Variants in NPHP4 observed in about 807,000 individuals in gnomAD.
NPHP4 encodes nephrocystin 4.
A neutral mutation model predicts 155.8 loss-of-function variants in NPHP4; 151 were observed. The ratio of observed to expected loss-of-function variants is 0.97; its 90% CI spans 0.85 to 1.11. The LOEUF is 1.11. Ranked by LOEUF, NPHP4 falls within the 50% of genes least tolerant of loss-of-function variation. The pLI is 0.00. For synonymous variants in NPHP4, 845 were observed against 816.8 expected, an observed-to-expected ratio of 1.03 and a Z score of -0.59; for missense variants, 1,956 against 1,925.7, an observed-to-expected ratio of 1.02 and a Z score of -0.29.
chr1:5,989,662 A>G (rs1655954956), intron 1 of NPHP4, among the ~76,000 whole-genome samples: 1 of 152,224 alleles, frequency 6.6e-6, no homozygotes, highest in Non-Finnish European at 1.5e-5. Flanking sequence ...ATTCACACAC[A>G]ATGCAGGCCG....
intron 11 of NPHP4, among the ~76,000 whole-genome samples, chr1:5,925,720 G>A (rs532444999): frequency 1.6e-4 from 25 of 152,038 alleles, no homozygotes; most frequent in Admixed American, 1.3e-3. Context: ...GGTTCACGCC[G>A]TTCTCCTGCC....
chr1:5,946,956 C>G (rs1264699206), intron 9 of NPHP4, 148 bp downstream of exon 9: 1 of 865,600 alleles, frequency 1.2e-6, no homozygotes, highest in Non-Finnish European at 1.8e-6. Flanking sequence ...TTACAATCAG[C>G]TGATAAATGT....
At chr1:5,968,851 T>G (rs1652012305) in intron 4 of NPHP4, among the ~76,000 whole-genome samples, 1 of 151,950 alleles carries the variant, frequency 6.6e-6, no homozygotes, top group Non-Finnish European at 1.5e-5. Flanking sequence ...CTGGCCAACA[T>G]GGCAAAACCC....
chr1:5,873,078 C>T (rs537628278), intron 23 of NPHP4, among the ~76,000 whole-genome samples, 174 bp downstream of exon 23: 1 of 152,170 alleles, frequency 6.6e-6, no homozygotes, highest in South Asian at 2.1e-4. Context: ...AGCGCCCAGA[C>T]GGAGCTGCCC....
intron 1 of NPHP4, among the ~76,000 whole-genome samples, chr1:5,992,030 A>AG (rs1280307161): frequency 6.6e-6 from 1 of 151,912 alleles, no homozygotes; most frequent in African/African-American, 2.4e-5. Context: ...TGTCCCGACG[A>AG]GGGGGGACGC....
chr1:5,952,669 C>T lies in NPHP4; in HGVS notation c.810+31G>A, dbSNP rs749675167. Reference sequence around the variant, plus strand: ...GGGTCCCACCCCTGCCTGGCCCCACCCTGCCCCCCATCACGCTTCTGACTC... The same window carrying T: ...GGGTCCCACCCCTGCCTGGCCCCACTCTGCCCCCCATCACGCTTCTGACTC... On this transcript the variant is annotated intron_variant, in intron 7 of 29. Transcript: ENST00000378156. 1.2e-5 allele frequency: 19 copies of T among 1,524,080 alleles called. 1 individual carries two copies. The South Asian group carries it at 2.3e-4, about 18-fold the overall frequency. 94.4% of individuals were successfully genotyped at this position (1,524,080 alleles called of 1,614,324 possible). A position where few individuals can be genotyped will look rare whatever the true frequency, so the allele number is the denominator to read the frequency against.
chr1:5,926,589 C>A (rs905668686), intron 11 of NPHP4, among the ~76,000 whole-genome samples: 4 of 152,152 alleles, frequency 2.6e-5, no homozygotes, highest in Non-Finnish European at 5.9e-5. Flanking sequence ...TCATCAACTT[C>A]ATCAAATTCA....
At chr1:5,961,717 C>A (rs557252879) in intron 6 of NPHP4, 77 bp downstream of exon 6, 924 of 1,431,462 alleles carry the variant, frequency 6.5e-4, no homozygotes, top group Non-Finnish European at 8.5e-4. Flanking sequence ...CCCAGAAGAG[C>A]CCAGTGCCTT....
In NPHP4 at chr1:5,864,334, A is replaced by G; in HGVS notation, c.3996+4T>C. On this transcript the variant is annotated splice_donor_region_variant and intron_variant, in intron 28 of 29. Transcript: ENST00000378156. ...CTCAGCCTGTGCCTGCCACACATAC[A>G]GACCTTGGAGATGAGCGGCTGGCGG... The G allele has an allele frequency of 6.9e-6, 11 of 1,601,630 alleles. No homozygotes were observed. The highest frequency in any genetic ancestry group is 9.4e-6 in the Non-Finnish European group (11 of 1,172,588).
intron 20 of NPHP4, among the ~76,000 whole-genome samples, chr1:5,875,549 C>T (rs1401089969): frequency 6.6e-6 from 1 of 152,228 alleles, no homozygotes; most frequent in East Asian, 1.9e-4. Context: ...TGCTGAGTCT[C>T]GGTCACACCG....
chr1:5,873,059 G>T (rs567419925), intron 23 of NPHP4, among the ~76,000 whole-genome samples, 193 bp downstream of exon 23: 58 of 152,282 alleles, frequency 3.8e-4, no homozygotes, highest in African/African-American at 1.3e-3. Flanking sequence ...ATACCATGCA[G>T]GCTGTGCCAG....
chr1:5,905,796 A>G lies in NPHP4; in HGVS notation c.1612-13T>C. 2 of 1,593,696 alleles carry G rather than the reference A, an allele frequency of 1.3e-6. No individual in the cohort carries two copies. Among genetic ancestry groups the G allele is most frequent in the Non-Finnish European group, 1.7e-6 (2 of 1,169,412 alleles). ...ACGGGAACTCCTGCTGAACAAAACG[A>G]GGGCTTCCAAGTGAGGCCACCAAGG... On this transcript the variant is annotated splice_polypyrimidine_tract_variant and intron_variant, in intron 13 of 29. Coordinates refer to ENST00000378156, the MANE Select transcript of NPHP4 (RefSeq NM_015102.5). The surrounding 1 kb of genome is among the most constrained non-coding windows in gnomAD (Gnocchi z 4.0).
In NPHP4 at chr1:5,971,184, T is replaced by A. The variant is rs972813124; in HGVS notation, c.280-1925A>T. On this transcript the variant is annotated intron_variant, in intron 3 of 29. Coordinates refer to ENST00000378156, the MANE Select transcript of NPHP4 (RefSeq NM_015102.5). ...CGGGTGGAACCTGCCGCTACGGGCA[T>A]GTCCCAAATACAAGTTTATGGCTAT... is the stretch of plus-strand genomic sequence containing the variant. 2.0e-5 allele frequency among the ~76,000 whole-genome samples: 3 copies of A among 152,350 alleles called. No individual in the cohort carries two copies. In the East Asian group the frequency reaches 5.8e-4, roughly 29 times the overall value.
chr1:5,963,821 A>G (rs192527777), intron 5 of NPHP4, among the ~76,000 whole-genome samples: 1 of 151,190 alleles, frequency 6.6e-6, no homozygotes, highest in African/African-American at 2.4e-5. Context: ...CCCAGTTGCT[A>G]GGATTACAGG....
At chr1:5,873,172 G>T in intron 23 of NPHP4, 80 bp downstream of exon 23, 2 of 1,256,318 alleles carry the variant, frequency 1.6e-6, no homozygotes, top group Non-Finnish European at 2.3e-6. Context: ...CCTCCAGGAG[G>T]GGAGAGAAGG....
intron 11 of NPHP4, among the ~76,000 whole-genome samples, chr1:5,920,949 T>C (rs2101582266): frequency 6.6e-6 from 1 of 152,346 alleles, no homozygotes; most frequent in Admixed American, 6.5e-5. Context: ...ATAAAAATAT[T>C]CTCCAATGTC....
chr1:5,983,981 G>A (rs1433986642), intron 2 of NPHP4, among the ~76,000 whole-genome samples: 1 of 152,004 alleles, frequency 6.6e-6, no homozygotes, highest in Non-Finnish European at 1.5e-5. Context: ...TTTAACATAC[G>A]ACTTTGGATC....
At chr1:5,866,272 T>C in intron 26 of NPHP4, 101 bp downstream of exon 26, 1 of 804,978 alleles carries the variant, frequency 1.2e-6, no homozygotes, top group South Asian at 1.5e-5. Flanking sequence ...CCCCCAATTT[T>C]AGGAAGGGGC....
At chr1:5,937,116 T>C (rs541187837) in intron 9 of NPHP4, among the ~76,000 whole-genome samples, 2 of 152,238 alleles carry the variant, frequency 1.3e-5, no homozygotes, top group East Asian at 3.9e-4. Context: ...AACTCAGTCC[T>C]GCCACACCTG....
Sources: allele counts gnomAD v4.1 joint callset (sites outside exome capture counted in the v4.1 genomes callset), GRCh38; gene constraint gnomAD v4.1.1; non-coding constraint Gnocchi (gnomAD v3.1); transcripts MANE v1.5; gene names NCBI Gene and HGNC (gene_info 2026-07-23, HGNC 2026-07-21).